Variants in NAALADL2 observed in about 807,000 individuals in gnomAD.
NAALADL2 encodes N-acetylated alpha-linked acidic dipeptidase like 2.
In NAALADL2, 76 loss-of-function variants were observed where a neutral mutation model predicts 87.2. That is an observed-to-expected ratio of 0.87 (90% confidence interval 0.72 to 1.05). NAALADL2 has a LOEUF of 1.05. Ranked by LOEUF, NAALADL2 falls within the 50% of genes least tolerant of loss-of-function variation. NAALADL2 has a pLI of 0.00. For synonymous variants in NAALADL2, 354 were observed against 331.0 expected, an observed-to-expected ratio of 1.07 and a Z score of -0.75; for missense variants, 1,089 against 945.8, an observed-to-expected ratio of 1.15 and a Z score of -1.99.
intron 2 of NAALADL2, among the ~76,000 whole-genome samples, chr3:175,126,276 C>G (rs560543682): frequency 2.0e-5 from 3 of 152,026 alleles, no homozygotes; most frequent in Non-Finnish European, 2.9e-5. Context: ...AGCATTAGCT[C>G]TAATAAATTC....
intron 1 of NAALADL2, among the ~76,000 whole-genome samples, chr3:174,509,391 TCTTC>T (rs1182481247): frequency 7.9e-6 from 1 of 126,114 alleles, no homozygotes; most frequent in Non-Finnish European, 1.7e-5. Flanking sequence ...CTCTGGTGTC[TCTTC>T]CTTTCTTTCT....
At chr3:175,156,514 A>C (rs1008940497) in intron 2 of NAALADL2, among the ~76,000 whole-genome samples, 1 of 152,114 alleles carries the variant, frequency 6.6e-6, no homozygotes, top group Non-Finnish European at 1.5e-5. Context: ...CACAGCTTTG[A>C]AAGGTATAAA....
chr3:174,992,915 T>G (rs1276154262), intron 1 of NAALADL2, among the ~76,000 whole-genome samples: 4 of 152,098 alleles, frequency 2.6e-5, no homozygotes, highest in African/African-American at 9.7e-5. Flanking sequence ...AAGCAGTAAA[T>G]GAACCATTCT....
chr3:175,062,209 A>C (rs1475293156), intron 1 of NAALADL2, among the ~76,000 whole-genome samples: 2 of 152,122 alleles, frequency 1.3e-5, no homozygotes. Flanking sequence ...CTTAATCTTG[A>C]AGGAAAACTG....
At chr3:174,674,209 A>C (rs532760896) in intron 2 of NAALADL2, among the ~76,000 whole-genome samples, 1 of 151,882 alleles carries the variant, frequency 6.6e-6, no homozygotes, top group African/African-American at 2.4e-5. Context: ...TAAACAACCA[A>C]ATCTCATGCG....
In NAALADL2 at chr3:174,513,864, T is replaced by C. The variant is rs142227366; in HGVS notation, c.-183-36705T>C. 2.2e-3 allele frequency among the ~76,000 whole-genome samples: 340 copies of C among 152,338 alleles called. 1 individual carries two copies. The highest frequency in any genetic ancestry group is 7.6e-3 in the African/African-American group (317 of 41,580). ...GTTCTTGAAAGTCCTTTTGTTACTC[T>C]AACACCAGATTTTAATTTTGCCACT... On this transcript the variant is annotated intron_variant, in intron 1 of 3. Transcript: ENST00000434257.
intron 1 of NAALADL2, among the ~76,000 whole-genome samples, chr3:174,978,954 A>G (rs1744734368): frequency 6.6e-6 from 1 of 152,206 alleles, no homozygotes; most frequent in African/African-American, 2.4e-5. Context: ...ACAGGAAATA[A>G]TTCACAAGGA....
intron 3 of NAALADL2, among the ~76,000 whole-genome samples, chr3:174,837,657 G>T (rs892649582): frequency 6.6e-6 from 1 of 152,050 alleles, no homozygotes; most frequent in Non-Finnish European, 1.5e-5. Context: ...AGCCAGGTGT[G>T]GTGGTGCGCA....
intron 1 of NAALADL2, among the ~76,000 whole-genome samples, chr3:174,924,734 A>G (rs1735738800): frequency 1.3e-5 from 2 of 152,036 alleles, no homozygotes; most frequent in Non-Finnish European, 2.9e-5. Context: ...TTGTTTCCTG[A>G]CTTTGTAATG....
intron 1 of NAALADL2, among the ~76,000 whole-genome samples, chr3:175,015,211 C>T (rs1252742056): frequency 1.3e-5 from 2 of 152,102 alleles, no homozygotes; most frequent in African/African-American, 4.8e-5. Flanking sequence ...TTCAGTATCA[C>T]GTTTAGCTCT....
chr3:175,478,913 T>C (rs1726076382), intron 9 of NAALADL2, among the ~76,000 whole-genome samples: 1 of 151,904 alleles, frequency 6.6e-6, no homozygotes, highest in Admixed American at 6.6e-5. Flanking sequence ...AAGTCTTACA[T>C]GTTTGGGTTA....
chr3:174,873,017 C>CCCATTT (rs1488404393), intron 1 of NAALADL2, among the ~76,000 whole-genome samples: 3 of 152,126 alleles, frequency 2.0e-5, no homozygotes, highest in Non-Finnish European at 4.4e-5. Flanking sequence ...ATAATTTTCA[C>CCCATTT]CCATTTCTTC....
intron 9 of NAALADL2, among the ~76,000 whole-genome samples, chr3:175,556,187 T>C (rs928745570): frequency 2.6e-5 from 4 of 152,096 alleles, no homozygotes; most frequent in Non-Finnish European, 4.4e-5. Flanking sequence ...GAAAATAAGG[T>C]TCAAACAAGG....
Position 174,465,536 on chromosome 3 carries a change from T to G in NAALADL2, c.-184+24504T>G, listed in dbSNP as rs574261435. 2.0e-5 allele frequency among the ~76,000 whole-genome samples: 3 copies of G among 152,290 alleles called. No homozygotes were observed. The South Asian group carries it at 6.2e-4, about 32-fold the overall frequency. ...ATGAATTTAAATGTTTCCAAATAGTTGTTAGGTTTGAATTATTCTGATTTT... is the reference window on the plus strand; with the variant it reads ...ATGAATTTAAATGTTTCCAAATAGTGGTTAGGTTTGAATTATTCTGATTTT... On this transcript the variant is annotated intron_variant, in intron 1 of 3. Transcript: ENST00000434257.
chr3:175,395,330 G>A (rs1769637297), intron 5 of NAALADL2, among the ~76,000 whole-genome samples: 1 of 152,066 alleles, frequency 6.6e-6, no homozygotes, highest in Middle Eastern at 3.2e-3. Context: ...GATTGCAGTT[G>A]ATCATGGGTA....
At chr3:175,344,966 A>T (rs1049909955) in intron 5 of NAALADL2, among the ~76,000 whole-genome samples, 4 of 152,146 alleles carry the variant, frequency 2.6e-5, no homozygotes, top group Non-Finnish European at 5.9e-5. Flanking sequence ...AAAACATGTT[A>T]AGTAGGTATG....
At chr3:175,457,499 A>ATGAT in intron 6 of NAALADL2, among the ~76,000 whole-genome samples, 1 of 152,150 alleles carries the variant, frequency 6.6e-6, no homozygotes, top group South Asian at 2.1e-4. Flanking sequence ...CATTTCTATG[A>ATGAT]TGATGCCAAT....
intron 13 of NAALADL2, among the ~76,000 whole-genome samples, chr3:175,763,440 C>T (rs1442035840): frequency 6.6e-6 from 1 of 152,112 alleles, no homozygotes; most frequent in Non-Finnish European, 1.5e-5. Context: ...GTTATGAGTC[C>T]TTGAGGCTAC....
At chr3:174,491,093 G>T (rs368634594) in intron 1 of NAALADL2, among the ~76,000 whole-genome samples, 111 of 152,184 alleles carry the variant, frequency 7.3e-4, no homozygotes, top group Middle Eastern at 3.4e-3. Flanking sequence ...AATCCTTCAA[G>T]AAATTACTTA....
Sources: allele counts gnomAD v4.1 joint callset (sites outside exome capture counted in the v4.1 genomes callset), GRCh38; gene constraint gnomAD v4.1.1; transcripts MANE v1.5; gene names NCBI Gene and HGNC (gene_info 2026-07-23, HGNC 2026-07-21).